ARHGEF4: variants seen among roughly 807,000 people sequenced by gnomAD.
The protein encoded by ARHGEF4 is APC-stimulated guanine nucleotide exchange factor 1.
A neutral mutation model predicts 162.0 loss-of-function variants in ARHGEF4; 119 were observed. That is an observed-to-expected ratio of 0.73 (90% CI 0.63 to 0.86). The LOEUF (loss-of-function observed/expected upper bound fraction) is 0.86, where lower values mean the gene tolerates loss of function less well. ARHGEF4 is among the 40% of genes least tolerant of loss of function. The pLI is 0.00. For missense variants in ARHGEF4, 2,488 were observed against 2,456.0 expected, an observed-to-expected ratio of 1.01 and a Z score of -0.28; for synonymous variants, 1,014 against 979.9, an observed-to-expected ratio of 1.03 and a Z score of -0.65.
At chr2:131,004,739 G>A (rs1048613016) in intron 4 of ARHGEF4, among the ~76,000 whole-genome samples, 2 of 152,024 alleles carry the variant, frequency 1.3e-5, no homozygotes. Flanking sequence ...ATGATGGAGA[G>A]GATGAAGAAT....
At chr2:130,910,931 A>C (rs764152723) in intron 1 of ARHGEF4, among the ~76,000 whole-genome samples, 28 of 152,234 alleles carry the variant, frequency 1.8e-4, no homozygotes, top group Non-Finnish European at 3.4e-4. Flanking sequence ...ACAGATTAAA[A>C]CTAGTGGTTT....
At chr2:130,839,277 C>T (rs1054834421) in intron 1 of ARHGEF4, among the ~76,000 whole-genome samples, 3 of 152,176 alleles carry the variant, frequency 2.0e-5, no homozygotes, top group African/African-American at 4.8e-5. Flanking sequence ...CTTCAGTCAC[C>T]GCCTGGTGCC....
intron 11 of ARHGEF4, 44 bp from the exon 12 acceptor site, chr2:131,044,255 A>T: frequency 1.2e-6 from 2 of 1,603,006 alleles, no homozygotes; most frequent in Non-Finnish European, 8.5e-7. Context: ...GGAAATGGTC[A>T]GGGGAGCGGT....
intron 2 of ARHGEF4, 43 bp downstream of exon 2, chr2:130,917,541 G>T: frequency 6.7e-7 from 1 of 1,500,750 alleles, no homozygotes; most frequent in Non-Finnish European, 8.9e-7. Context: ...ACCTCTGCAG[G>T]CAAGAGAAGG....
At chr2:130,956,149 G>C (rs1039667549) in intron 4 of ARHGEF4, among the ~76,000 whole-genome samples, 1 of 152,276 alleles carries the variant, frequency 6.6e-6, no homozygotes, top group African/African-American at 2.4e-5. Context: ...CTACTGGGGG[G>C]TACCTCAAAG....
At position 130,939,283 on chromosome 2, in the gene ARHGEF4, C is replaced by A. The variant is rs1683141969; in HGVS notation, c.3859-7226C>A. On this transcript the variant is annotated intron_variant, in intron 3 of 13. Transcript: ENST00000409359. ...AAGTTGTGGGATTTAGGTGAAGTTT[C>A]TTTTCTTCTTTTCTTTTTTTCTTTT... Among the ~76,000 whole-genome samples, 5 of 152,134 alleles carry A rather than the reference C, an allele frequency of 3.3e-5. No individual in the cohort carries two copies. The South Asian group carries it at 1.0e-3, about 32-fold the overall frequency.
chr2:130,849,001 C>T (rs928689242), intron 1 of ARHGEF4, among the ~76,000 whole-genome samples: 1 of 151,498 alleles, frequency 6.6e-6, no homozygotes, highest in Non-Finnish European at 1.5e-5. Flanking sequence ...GCACTGCCCA[C>T]CTGTGCACCC....
At chr2:130,864,189 G>GAAAAAAAA (rs1682093054) in intron 1 of ARHGEF4, among the ~76,000 whole-genome samples, 1 of 125,740 alleles carries the variant, frequency 8.0e-6, no homozygotes. Flanking sequence ...CTCAAAGAAA[G>GAAAAAAAA]AAAGAAAGAA....
chr2:130,935,522 C>G (rs1682892116), intron 3 of ARHGEF4, among the ~76,000 whole-genome samples: 1 of 152,052 alleles, frequency 6.6e-6, no homozygotes, highest in Admixed American at 6.6e-5. Flanking sequence ...TAGAAAGTTC[C>G]CTCTCAGCAT....
intron 4 of ARHGEF4, among the ~76,000 whole-genome samples, chr2:130,950,620 G>A (rs954319983): frequency 4.0e-5 from 6 of 151,868 alleles, no homozygotes; most frequent in Admixed American, 2.0e-4. Context: ...AGATACGTGC[G>A]GTCATCACCA....
intron 5 of ARHGEF4, among the ~76,000 whole-genome samples, chr2:131,030,147 G>A (rs958901017): frequency 6.6e-6 from 1 of 152,204 alleles, no homozygotes; most frequent in Non-Finnish European, 1.5e-5. Flanking sequence ...CTGGCCTTAT[G>A]GCTGCGTTGA....
rs1688143911 is a variant in ARHGEF4, at chr2:131,006,842, G to A, written c.3986-21103G>A. Among the ~76,000 whole-genome samples the A allele has an allele frequency of 2.0e-5, 3 of 152,302 alleles. No individual in the cohort carries two copies. The South Asian group carries it at 6.2e-4, about 32-fold the overall frequency. On this transcript the variant is annotated intron_variant, in intron 4 of 13. Coordinates refer to ENST00000409359, the MANE Select transcript of ARHGEF4 (RefSeq NM_001367493.1). ...TCCAAGTCATGAAGGGAAGCAAAAG[G>A]CCAAGTCATTGGCTAAGTCCGAAGG...
chr2:130,882,990 T>G (rs983190080), intron 1 of ARHGEF4, among the ~76,000 whole-genome samples: 1 of 152,106 alleles, frequency 6.6e-6, no homozygotes, highest in Non-Finnish European at 1.5e-5. Context: ...CTCCCCTTTC[T>G]GCCTGAGGTT....
At chr2:131,021,416 T>G (rs1689124075) in intron 4 of ARHGEF4, among the ~76,000 whole-genome samples, 1 of 152,164 alleles carries the variant, frequency 6.6e-6, no homozygotes, top group Non-Finnish European at 1.5e-5. Context: ...CTGGGAAAAC[T>G]GGCTAGCCAT....
intron 13 of ARHGEF4, 184 bp downstream of exon 13, chr2:131,045,630 T>G (rs746976975): frequency 5.8e-6 from 9 of 1,539,124 alleles, no homozygotes; most frequent in Non-Finnish European, 7.9e-6. Flanking sequence ...TGGGTCAGTA[T>G]ATGGTTGACA....
rs776188517 is a variant in ARHGEF4, at chr2:130,915,365, C to G, written c.1419C>G (p.Pro473=). The change falls in exon 2 of 14, where the codon CCC becomes CCG. Residue 473 remains proline (P), a synonymous_variant. Transcript: ENST00000409359. The part of the protein sequence containing the change: ...EQSPESRTQE[P]QGTQLAPRAA... The stretch of plus-strand genomic sequence containing the variant: ...GCCCAGAAAGCAGAACCCAGGAACC[C>G]CAAGGCACCCAACTCGCACCAAGAG... 11 of 1,550,606 alleles carry G rather than the reference C, an allele frequency of 7.1e-6. No homozygotes were observed. The highest frequency in any genetic ancestry group is 9.6e-6 in the Non-Finnish European group (11 of 1,147,020).
intron 2 of ARHGEF4, among the ~76,000 whole-genome samples, chr2:130,923,350 G>A (rs1234210619): frequency 6.6e-6 from 1 of 152,138 alleles, no homozygotes; most frequent in Admixed American, 6.5e-5. Context: ...AAACTTTCAC[G>A]GCCTTGCTTA....
At chr2:131,002,153 C>G (rs901390324) in intron 4 of ARHGEF4, among the ~76,000 whole-genome samples, 2 of 152,156 alleles carry the variant, frequency 1.3e-5, no homozygotes, top group African/African-American at 4.8e-5. Flanking sequence ...ACAAGGTGCA[C>G]GCAATGCCCT....
chr2:130,926,042 T>TTCTTTCTTTC (rs1682244479), intron 2 of ARHGEF4, among the ~76,000 whole-genome samples: 1 of 112,832 alleles, frequency 8.9e-6, no homozygotes, highest in Admixed American at 8.3e-5. Context: ...CTTTCTTTCT[T>TTCTTTCTTTC]TCTTTCTCTT....
Sources: allele counts gnomAD v4.1 joint callset (sites outside exome capture counted in the v4.1 genomes callset), GRCh38; gene constraint gnomAD v4.1.1; transcripts MANE v1.5; gene names NCBI Gene and HGNC (gene_info 2026-07-23, HGNC 2026-07-21).